The following THSD7B variants were observed in gnomAD, a reference collection of about 807,000 sequenced individuals.
The protein encoded by THSD7B is thrombospondin type-1 domain-containing protein 7B.
THSD7B carries 138 observed loss-of-function variants against 213.6 expected under a neutral mutation model. That is an observed-to-expected ratio of 0.65 (90% confidence interval 0.56 to 0.74). THSD7B has a LOEUF of 0.74. Ranked by LOEUF, THSD7B falls within the 30% of genes least tolerant of loss-of-function variation. THSD7B has a pLI of 0.00. For synonymous variants in THSD7B, 742 were observed against 687.0 expected, an observed-to-expected ratio of 1.08 and a Z score of -1.25; for missense variants, 1,931 against 1,991.5, an observed-to-expected ratio of 0.97 and a Z score of 0.58.
At chr2:137,273,404 G>T (rs1682796138) in intron 11 of THSD7B, among the ~76,000 whole-genome samples, 1 of 152,030 alleles carries the variant, frequency 6.6e-6, no homozygotes, top group Admixed American at 6.6e-5. Context: ...TTTTAAATCT[G>T]ATTGAAATGC....
intron 17 of THSD7B, among the ~76,000 whole-genome samples, chr2:137,603,616 T>C (rs1573737748): frequency 3.9e-5 from 6 of 152,322 alleles, no homozygotes; most frequent in Admixed American, 3.9e-4. Context: ...TTGAAGTACT[T>C]GACATCCAAG....
chr2:137,367,652 A>T (rs1419470556), intron 12 of THSD7B, among the ~76,000 whole-genome samples: 16 of 152,064 alleles, frequency 1.1e-4, no homozygotes, highest in African/African-American at 3.6e-4. Context: ...AGTGGCAAAA[A>T]CAACAGAAAT....
At chr2:137,546,463 AATAT>A (rs57851328) in intron 15 of THSD7B, among the ~76,000 whole-genome samples, 5 of 20,772 alleles carry the variant, frequency 2.4e-4, no homozygotes, top group Non-Finnish European at 3.6e-4. Flanking sequence ...TATTATATAT[AATAT>A]ATATATATAT....
At chr2:137,591,593 A>G (rs1454794712) in intron 17 of THSD7B, among the ~76,000 whole-genome samples, 1 of 151,954 alleles carries the variant, frequency 6.6e-6, no homozygotes, top group Non-Finnish European at 1.5e-5. Context: ...ATATATATTG[A>G]AAAAATTGGT....
intron 18 of THSD7B, among the ~76,000 whole-genome samples, chr2:137,616,803 C>G (rs1285723536): frequency 6.6e-6 from 1 of 152,184 alleles, no homozygotes; most frequent in Non-Finnish European, 1.5e-5. Flanking sequence ...TTAAATCACT[C>G]TAGCTGTTCA....
chr2:136,801,263 A>G (rs1046853037), intron 1 of THSD7B, among the ~76,000 whole-genome samples: 1 of 152,086 alleles, frequency 6.6e-6, no homozygotes, highest in East Asian at 1.9e-4. Flanking sequence ...TTCTCACTTC[A>G]CAGATGAGGA....
chr2:137,417,685 G>C (rs1313207559), intron 14 of THSD7B, among the ~76,000 whole-genome samples: 1 of 152,010 alleles, frequency 6.6e-6, no homozygotes, highest in East Asian at 1.9e-4. Flanking sequence ...CTCCCACCAA[G>C]GCCTCTCAAA....
chr2:136,972,254 C>T (rs1191880007), intron 2 of THSD7B, among the ~76,000 whole-genome samples: 2 of 152,060 alleles, frequency 1.3e-5, no homozygotes, highest in African/African-American at 4.8e-5. Context: ...TCTCATCCAC[C>T]TTGGAAGTTA....
chr2:137,387,672 T>C (rs1245330386), intron 12 of THSD7B, among the ~76,000 whole-genome samples: 1 of 152,152 alleles, frequency 6.6e-6, no homozygotes, highest in Non-Finnish European at 1.5e-5. Flanking sequence ...AAATATTTTT[T>C]CTAAGATTGT....
chr2:137,337,537 A>T (rs1167126969), intron 12 of THSD7B, among the ~76,000 whole-genome samples: 1 of 152,096 alleles, frequency 6.6e-6, no homozygotes. Context: ...CCGTTAAGTG[A>T]CAAATTTTCT....
At chr2:137,237,634 T>TCAGTGATAATA (rs1201572059) in intron 9 of THSD7B, among the ~76,000 whole-genome samples, 6 of 152,196 alleles carry the variant, frequency 3.9e-5, no homozygotes, top group African/African-American at 1.4e-4. Flanking sequence ...CTTTTCTCTG[T>TCAGTGATAATA]CAGTGATAAT....
At chr2:136,841,770 C>G (rs1203926243) in intron 1 of THSD7B, among the ~76,000 whole-genome samples, 1 of 152,068 alleles carries the variant, frequency 6.6e-6, no homozygotes, top group Non-Finnish European at 1.5e-5. Flanking sequence ...CAAGAATACA[C>G]AGCTGGGTGT....
At chr2:136,867,397 G>A (rs1194625560) in intron 1 of THSD7B, among the ~76,000 whole-genome samples, 1 of 152,142 alleles carries the variant, frequency 6.6e-6, no homozygotes, top group Non-Finnish European at 1.5e-5. Flanking sequence ...GGACAAGCAT[G>A]CAAACAAGAA....
At chr2:137,380,257 G>A (rs201314967) in intron 12 of THSD7B, among the ~76,000 whole-genome samples, 16 of 145,754 alleles carry the variant, frequency 1.1e-4, no homozygotes, top group East Asian at 2.0e-4. Flanking sequence ...ACAAAAAATA[G>A]AAAAAAAAAA....
intron 5 of THSD7B, among the ~76,000 whole-genome samples, chr2:137,142,656 T>C (rs1158208942): frequency 6.6e-6 from 1 of 152,156 alleles, no homozygotes; most frequent in Non-Finnish European, 1.5e-5. Context: ...TTATAACTTT[T>C]ATGTCTTTTT....
At chr2:137,225,314 A>C (rs1210229427) in intron 7 of THSD7B, among the ~76,000 whole-genome samples, 1 of 152,220 alleles carries the variant, frequency 6.6e-6, no homozygotes, top group Non-Finnish European at 1.5e-5. Flanking sequence ...TGCAGTTCCA[A>C]AATAATCAAG....
intron 17 of THSD7B, among the ~76,000 whole-genome samples, chr2:137,595,310 A>G (rs1416722891): frequency 6.6e-6 from 1 of 151,960 alleles, no homozygotes; most frequent in Non-Finnish European, 1.5e-5. Flanking sequence ...CAGTCTGTCA[A>G]AGTTTCTTCT....
Position 137,307,476 on chromosome 2 carries a change from A to G in THSD7B, c.2500+31450A>G, listed in dbSNP as rs78030834. 9.6e-3 allele frequency among the ~76,000 whole-genome samples: 1,465 copies of G among 152,250 alleles called. 25 individuals carry two copies. The highest frequency in any genetic ancestry group is 0.034 in the African/African-American group (1,394 of 41,576). ...GTGAATCAATACGAATTTCCACTTC[A>G]TCCCTAATCCAAAGGTGAAATCCAT... On this transcript the variant is annotated intron_variant, in intron 12 of 27. Coordinates refer to ENST00000409968, the MANE Select transcript of THSD7B (RefSeq NM_001316349.2).
At chr2:136,957,761 G>T (rs1236247788) in intron 2 of THSD7B, among the ~76,000 whole-genome samples, 1 of 152,166 alleles carries the variant, frequency 6.6e-6, no homozygotes, top group African/African-American at 2.4e-5. Flanking sequence ...CTTATTAAAA[G>T]ATTATACTCG....
Sources: allele counts gnomAD v4.1 joint callset (sites outside exome capture counted in the v4.1 genomes callset), GRCh38; gene constraint gnomAD v4.1.1; transcripts MANE v1.5; gene names NCBI Gene and HGNC (gene_info 2026-07-23, HGNC 2026-07-21).